Variants in DAB1 observed in about 807,000 individuals in gnomAD.
DAB1 encodes disabled homolog 1.
A neutral mutation model predicts 64.6 loss-of-function variants in DAB1; 15 were observed. The observed-to-expected ratio is 0.23, with a 90% confidence interval of 0.16 to 0.36. The LOEUF (loss-of-function observed/expected upper bound fraction) is 0.36, where lower values mean the gene tolerates loss of function less well. Ranked by LOEUF, DAB1 falls within the 10% of genes least tolerant of loss-of-function variation. The probability of loss-of-function intolerance (pLI) is 1.00; values close to 1 mark genes in which losing one functional copy is unlikely to be tolerated. For synonymous variants in DAB1, 235 were observed against 251.9 expected (o/e 0.93, Z 0.64); for missense variants, 596 against 706.7 (o/e 0.84, Z 1.78).
intron 4 of DAB1, among the ~76,000 whole-genome samples, chr1:57,129,084 T>G (rs1336136053): frequency 3.3e-5 from 5 of 152,124 alleles, no homozygotes; most frequent in Non-Finnish European, 7.4e-5. Flanking sequence ...TAAAAGCAAC[T>G]AGCTTAGAAA....
chr1:58,071,400 GT>G lies in DAB1; in HGVS notation n.387+79110del, dbSNP rs1557637256. 1.2e-3 allele frequency: 189 copies of G among 156,270 alleles called. 1 individual carries two copies. Among genetic ancestry groups the G allele is most frequent in the African/African-American group, 4.0e-3 (161 of 40,698 alleles). The allele number at this position is 156,270 out of a possible 1,614,324, so 9.7% of individuals were successfully genotyped here. ...TGTGTGTGTGTGTGTGTGTGTGTGT[GT>G]GTGTGGGTGGGGAGAGACTGAAGTT... On this transcript the variant is annotated intron_variant and non_coding_transcript_variant, in intron 5 of 20. Transcript: ENST00000485760.
At chr1:57,973,772 C>T (rs571297638) in intron 5 of DAB1, among the ~76,000 whole-genome samples, 19 of 152,086 alleles carry the variant, frequency 1.2e-4, no homozygotes, top group African/African-American at 3.4e-4. Flanking sequence ...TTCTCCAAGT[C>T]GCCATCATTT....
At chr1:57,718,516 A>G (rs1383274677) in intron 6 of DAB1, among the ~76,000 whole-genome samples, 5 of 152,186 alleles carry the variant, frequency 3.3e-5, no homozygotes, top group Non-Finnish European at 4.4e-5. Context: ...TGAAAAAAGC[A>G]ATTCTGAAGA....
intron 5 of DAB1, among the ~76,000 whole-genome samples, chr1:57,920,104 G>A (rs890530522): frequency 6.6e-6 from 1 of 152,092 alleles, no homozygotes; most frequent in African/African-American, 2.4e-5. Flanking sequence ...TATTGATGTG[G>A]CTATTAAGGC....
At chr1:57,952,901 T>C (rs1190330655) in intron 5 of DAB1, among the ~76,000 whole-genome samples, 4 of 152,180 alleles carry the variant, frequency 2.6e-5, no homozygotes, top group Non-Finnish European at 5.9e-5. Context: ...CCATTCTGAA[T>C]AGCCCTTTGC....
chr1:58,265,368 A>G (rs1426912373), intron 4 of DAB1, among the ~76,000 whole-genome samples: 1 of 152,172 alleles, frequency 6.6e-6, no homozygotes, highest in Non-Finnish European at 1.5e-5. Flanking sequence ...CTCTTAGTGT[A>G]ACTCTTTCAG....
chr1:58,202,936 CAAAAG>C (rs1658078603), intron 4 of DAB1, among the ~76,000 whole-genome samples: 2 of 152,122 alleles, frequency 1.3e-5, no homozygotes, highest in African/African-American at 4.8e-5. Flanking sequence ...CCACATGGGC[CAAAAG>C]AAAAGAGCAC....
chr1:57,123,872 AAAAT>A (rs1347928904), intron 4 of DAB1, among the ~76,000 whole-genome samples: 1 of 152,212 alleles, frequency 6.6e-6, no homozygotes, highest in African/African-American at 2.4e-5. Context: ...TATACACAAA[AAAAT>A]CTTGATTGGG....
intron 5 of DAB1, among the ~76,000 whole-genome samples, chr1:58,012,072 G>T (rs1646676041): frequency 6.6e-6 from 1 of 152,116 alleles, no homozygotes; most frequent in African/African-American, 2.4e-5. Context: ...CCTGAGTCTT[G>T]TATAGTGACC....
At chr1:57,663,498 T>A (rs4244010) in intron 6 of DAB1, among the ~76,000 whole-genome samples, 3 of 152,018 alleles carry the variant, frequency 2.0e-5, no homozygotes, top group African/African-American at 7.2e-5. Context: ...TATCGAGCAT[T>A]GGTAACCTGA....
intron 3 of DAB1, among the ~76,000 whole-genome samples, chr1:58,491,061 C>T (rs138854957): frequency 0.011 from 1,690 of 152,054 alleles, 28 homozygotes; most frequent in African/African-American, 0.038. Context: ...CCCACCACAG[C>T]CTCCCAAAGT....
Position 57,291,179 on chromosome 1 carries a change from G to A in DAB1, c.-136-13C>T. Reference sequence around the variant, plus strand: ...CTCTTTTTGAGTGCTGCAAATCAAGGCAAGAGAACATTCAGAATCATCACT... The same window carrying A: ...CTCTTTTTGAGTGCTGCAAATCAAGACAAGAGAACATTCAGAATCATCACT... On this transcript the variant is annotated splice_polypyrimidine_tract_variant and intron_variant, in intron 1 of 14. Transcript: ENST00000371236. 2.1e-6 allele frequency: 1 copy of A among 471,432 alleles called. No individual in the cohort carries two copies. Among genetic ancestry groups the A allele is most frequent in the South Asian group, 4.9e-5 (1 of 20,560 alleles). 29.2% of individuals were successfully genotyped at this position (471,432 alleles called of 1,614,324 possible). A position where few individuals can be genotyped will look rare whatever the true frequency, so the allele number is the denominator to read the frequency against.
intron 3 of DAB1, among the ~76,000 whole-genome samples, chr1:58,435,697 T>C (rs1296727708): frequency 1.3e-5 from 2 of 152,204 alleles, no homozygotes; most frequent in East Asian, 1.9e-4. Context: ...AAGAGGAAGA[T>C]AGTCCTTTTT....
rs569402690 is a variant in DAB1 at position 58,462,469 on chromosome 1, G to A, written n.257+43591C>T. The A allele has an allele frequency of 1.4e-3, 214 of 152,278 alleles. 1 individual carries two copies. The highest frequency in any genetic ancestry group is 5.0e-3 in the African/African-American group (209 of 41,536). The allele number at this position is 152,278 out of a possible 1,614,324, so 9.4% of individuals were successfully genotyped here. A position where few individuals can be genotyped will look rare whatever the true frequency, so the allele number is the denominator to read the frequency against. On this transcript the variant is annotated intron_variant and non_coding_transcript_variant, in intron 3 of 20. Transcript: ENST00000485760. ...CAATCCCAAGGCATCTCAACCAGTA[G>A]CAATTTTTAGCGGTTCAGGGTATCC...
intron 4 of DAB1, among the ~76,000 whole-genome samples, chr1:58,308,057 A>T (rs17117298): frequency 0.038 from 5,741 of 152,212 alleles, 335 homozygotes; most frequent in East Asian, 0.23. Flanking sequence ...AATTCAGCTT[A>T]TTCTGCAGTG....
At chr1:57,033,300 C>G in intron 9 of DAB1, 1 of 1,401,364 alleles carries the variant, frequency 7.1e-7, no homozygotes, top group Non-Finnish European at 1.0e-6. Flanking sequence ...AGGAAATCTG[C>G]CATTCATGCA....
chr1:57,692,962 C>A (rs1324276761), intron 6 of DAB1, among the ~76,000 whole-genome samples: 3 of 152,196 alleles, frequency 2.0e-5, no homozygotes, highest in Non-Finnish European at 4.4e-5. Flanking sequence ...TCTCCCCTTT[C>A]TAGGTCCCAT....
chr1:57,852,403 C>G (rs1653569504), intron 1 of DAB1, among the ~76,000 whole-genome samples: 1 of 152,184 alleles, frequency 6.6e-6, no homozygotes, highest in Admixed American at 6.5e-5. Context: ...TCTAAACACT[C>G]ATCTGTATTT....
At chr1:57,135,475 A>C (rs1658002044) in intron 4 of DAB1, among the ~76,000 whole-genome samples, 1 of 152,222 alleles carries the variant, frequency 6.6e-6, no homozygotes, top group African/African-American at 2.4e-5. Flanking sequence ...CACTGTATGT[A>C]TATACAACAT....
Sources: gnomAD v4.1 joint callset for allele counts (sites outside exome capture counted in the v4.1 genomes callset) on GRCh38, gnomAD v4.1.1 for gene constraint, MANE v1.5 for transcripts, NCBI Gene and HGNC (gene_info 2026-07-23, HGNC 2026-07-21) for gene names.